ANKRD42: variants seen among roughly 807,000 people sequenced by gnomAD.
The protein encoded by ANKRD42 is ankyrin repeat domain 42, also known as ankyrin repeat domain-containing protein 42.
A neutral mutation model predicts 51.5 loss-of-function variants in ANKRD42; 43 were observed. That is an observed-to-expected ratio of 0.83 (90% CI 0.65 to 1.08). The LOEUF is 1.08. Ranked by LOEUF, ANKRD42 falls within the 50% of genes least tolerant of loss-of-function variation. The pLI is 0.00. For missense variants in ANKRD42, 608 were observed against 629.3 expected (o/e 0.97, Z 0.36); for synonymous variants, 203 against 213.0 (o/e 0.95, Z 0.41).
intron 5 of ANKRD42, among the ~76,000 whole-genome samples, chr11:83,211,800 C>T (rs534968134): frequency 3.8e-4 from 58 of 152,116 alleles, no homozygotes; most frequent in Middle Eastern, 3.4e-3. Flanking sequence ...AGTGAGACCC[C>T]GTCTCTTAAA....
chr11:83,209,480 A>G (rs575300688), intron 3 of ANKRD42: 29 of 1,310,598 alleles, frequency 2.2e-5, no homozygotes, highest in Non-Finnish European at 2.0e-5. Flanking sequence ...GCCCAAGGAC[A>G]TAGCCAAGCT....
At chr11:83,232,865 A>G (rs1006812565) in intron 7 of ANKRD42, among the ~76,000 whole-genome samples, 6 of 152,258 alleles carry the variant, frequency 3.9e-5, no homozygotes, top group Admixed American at 2.0e-4. Context: ...CCTTCATTCT[A>G]TTGATATGTA....
intron 5 of ANKRD42, chr11:83,212,794 G>C: frequency 1.3e-6 from 2 of 1,499,110 alleles, no homozygotes; most frequent in East Asian, 4.9e-5. Flanking sequence ...TTTTTCTGAA[G>C]GTCGTCTTTC....
chr11:83,263,061 A>G (rs1864025153), downstream of ANKRD42, among the ~76,000 whole-genome samples: 1 of 152,146 alleles, frequency 6.6e-6, no homozygotes, highest in Admixed American at 6.6e-5. Context: ...GGGATTTAAG[A>G]CTAAGTGTAC....
At chr11:83,245,731 G>C in intron 10 of ANKRD42, 107 bp downstream of exon 10, 1 of 1,253,386 alleles carries the variant, frequency 8.0e-7, no homozygotes, top group South Asian at 1.7e-5. Flanking sequence ...AAGGGTGTTA[G>C]GTTCCATCCT....
intron 7 of ANKRD42, among the ~76,000 whole-genome samples, chr11:83,228,639 A>T (rs1862971963): frequency 6.6e-6 from 1 of 152,188 alleles, no homozygotes; most frequent in Non-Finnish European, 1.5e-5. Context: ...CAGTCCTCAG[A>T]TCATATATTA....
Position 83,248,135 on chromosome 11 carries a change from A to G in ANKRD42, c.1515A>G (p.Gln505=), listed in dbSNP as rs1420474547. ...TTATTTTTCTCAAGAAGTATATACA[A>G]GAGTGGCCAAGAGTACAAGCTTTGG... ...NTFIFLKKYI[Q]EWPRVQALGW... is the part of the protein sequence containing the mutation. The change falls in exon 11 of 11, where the codon CAA becomes CAG. Residue 505 remains glutamine (Q), a synonymous_variant. Transcript: ENST00000533342. 1 of 1,542,898 alleles carries G rather than the reference A, an allele frequency of 6.5e-7. No individual in the cohort carries two copies. Among genetic ancestry groups the G allele is most frequent in the Non-Finnish European group, 8.7e-7 (1 of 1,146,408 alleles).
intron 7 of ANKRD42, among the ~76,000 whole-genome samples, chr11:83,232,775 G>T (rs1863112562): frequency 6.6e-6 from 1 of 151,910 alleles, no homozygotes; most frequent in Non-Finnish European, 1.5e-5. Context: ...AGTTTTTGAG[G>T]GTTTTTATTA....
intron 7 of ANKRD42, among the ~76,000 whole-genome samples, chr11:83,228,795 A>C (rs543205920): frequency 6.6e-6 from 1 of 152,146 alleles, no homozygotes; most frequent in African/African-American, 2.4e-5. Flanking sequence ...TCTCCTACAC[A>C]GAGAGAGGTC....
At chr11:83,213,871 T>A (rs1862423886) in intron 5 of ANKRD42, 1 of 153,568 alleles carries the variant, frequency 6.5e-6, no homozygotes, top group South Asian at 2.0e-4. Flanking sequence ...TTCTTTGGTA[T>A]TTTTTGATAA....
In ANKRD42 at chr11:83,248,931, A is replaced by G. The variant is rs1863622517; in HGVS notation, c.*727A>G. On this transcript the variant is annotated 3_prime_UTR_variant, in exon 11 of 11. Transcript: ENST00000533342. ...TTTCTCTGGGTTTTGGTGTCTCACCAGTGGTTGATTTTCCAAGAAATATAA... is the reference window on the plus strand; with the variant it reads ...TTTCTCTGGGTTTTGGTGTCTCACCGGTGGTTGATTTTCCAAGAAATATAA... 1.0e-6 allele frequency: 1 copy of G among 982,814 alleles called. No individual in the cohort carries two copies. Among genetic ancestry groups the G allele is most frequent in the East Asian group, 1.1e-4 (1 of 8,804 alleles). The allele number at this position is 982,814 out of a possible 1,614,324, so 60.9% of individuals were successfully genotyped here. A position where few individuals can be genotyped will look rare whatever the true frequency, so the allele number is the denominator to read the frequency against.
intron 11 of ANKRD42, among the ~76,000 whole-genome samples, chr11:83,255,538 G>A (rs61597283): frequency 3.0e-4 from 46 of 152,266 alleles, no homozygotes; most frequent in African/African-American, 1.0e-3. Flanking sequence ...GTTAGGTAGA[G>A]ATAAAACTTA....
At chr11:83,222,948 T>C (rs1236636274) in intron 5 of ANKRD42, among the ~76,000 whole-genome samples, 1 of 152,040 alleles carries the variant, frequency 6.6e-6, no homozygotes, top group Non-Finnish European at 1.5e-5. Flanking sequence ...ATCTGACCCA[T>C]GTTTAAAGGG....
At chr11:83,221,991 T>G (rs2135523088) in intron 5 of ANKRD42, among the ~76,000 whole-genome samples, 1 of 152,344 alleles carries the variant, frequency 6.6e-6, no homozygotes, top group African/African-American at 2.4e-5. Flanking sequence ...TTTACTTTGA[T>G]TTCACTTTTT....
chr11:83,209,772 T>C, intron 3 of ANKRD42: 1 of 610,430 alleles, frequency 1.6e-6, no homozygotes, highest in South Asian at 1.9e-5. Flanking sequence ...ACTGTTTCAA[T>C]GTGCTGGTAA....
At chr11:83,253,828 A>C (rs919648916), downstream of ANKRD42, among the ~76,000 whole-genome samples, 4 of 152,250 alleles carry the variant, frequency 2.6e-5, no homozygotes, top group African/African-American at 9.6e-5. Flanking sequence ...TTGAATGCCA[A>C]GCACATATTT....
Position 83,196,396 on chromosome 11 carries a change from AGAGTGTGTGT to A in ANKRD42, c.58+1670_58+1679del, listed in dbSNP as rs1262058814. ...AGTAGGATTTGTGTGTGAGTGTGTG[AGAGTGTGTGT>A]GTGTGTGTGTGTGTGTGTGTGTGTG... On this transcript the variant is annotated intron_variant, in intron 1 of 10. Coordinates refer to ENST00000533342, the MANE Select transcript of ANKRD42 (RefSeq NM_001300975.2). Among the ~76,000 whole-genome samples, 640 of 133,164 alleles carry A rather than the reference AGAGTGTGTGT, an allele frequency of 4.8e-3. 6 individuals carry two copies. The highest frequency in any genetic ancestry group is 0.011 in the African/African-American group (429 of 37,394). 87.4% of individuals were successfully genotyped at this position (133,164 alleles called of 152,430 possible). A position where few individuals can be genotyped will look rare whatever the true frequency, so the allele number is the denominator to read the frequency against.
intron 8 of ANKRD42, 81 bp downstream of exon 8, chr11:83,236,590 A>G (rs753799635): frequency 3.4e-5 from 38 of 1,112,154 alleles, no homozygotes; most frequent in Admixed American, 1.5e-4. Flanking sequence ...AAATCTCTGA[A>G]GTTTTAATGG....
intron 1 of ANKRD42, among the ~76,000 whole-genome samples, chr11:83,197,638 T>A (rs565516893): frequency 2.6e-5 from 4 of 152,332 alleles, no homozygotes; most frequent in Non-Finnish European, 5.9e-5. Flanking sequence ...ATTTAGAGAA[T>A]GCTGAAGTTG....
Sources: gnomAD v4.1 joint callset for allele counts (sites outside exome capture counted in the v4.1 genomes callset) on GRCh38, gnomAD v4.1.1 for gene constraint, MANE v1.5 for transcripts, NCBI Gene and HGNC (gene_info 2026-07-23, HGNC 2026-07-21) for gene names.